The following NPFFR2 variants were observed in gnomAD, a reference collection of about 807,000 sequenced individuals.
NPFFR2 encodes the protein G-protein coupled receptor 74.
Under a neutral mutation model 13.1 loss-of-function variants are expected in NPFFR2, and 15 were observed. The ratio of observed to expected loss-of-function variants is 1.15; its 90% confidence interval spans 0.77 to 1.76. The LOEUF is 1.76. Ranked by LOEUF, NPFFR2 falls within the 40% of genes most tolerant of loss-of-function variation. NPFFR2 has a pLI of 0.00. For synonymous variants in NPFFR2, 190 were observed against 175.7 expected (o/e 1.08, Z -0.65); for missense variants, 572 against 503.5 (o/e 1.14, Z -1.30).
At position 72,147,706 on chromosome 4, in the gene NPFFR2, A is replaced by G. The variant is rs1722832730; in HGVS notation, c.1157A>G (p.Gln386Arg). The change falls in exon 4 of 4, where the codon CAA becomes CGA. Residue 386 changes from glutamine to arginine, a missense_variant. Physicochemically the swap from Gln to Arg is conservative, Grantham distance 43 (BLOSUM62 1). Transcript: ENST00000308744. Reference sequence around the variant, plus strand: ...CAGCTTGTCCAGGAATCTACATTTCAAAACCCTCATGGGGAAACCTTGCTT... The same window carrying G: ...CAGCTTGTCCAGGAATCTACATTTCGAAACCCTCATGGGGAAACCTTGCTT... ...SNQLVQESTF[Q>R]NPHGETLLYR... The G allele has an allele frequency of 1.2e-6, 2 of 1,613,956 alleles. No individual in the cohort carries two copies. Among genetic ancestry groups the G allele is most frequent in the African/African-American group, 1.3e-5 (1 of 75,046 alleles).
At chr4:72,045,661 A>G (rs1185683880) in intron 1 of NPFFR2, among the ~76,000 whole-genome samples, 2 of 152,202 alleles carry the variant, frequency 1.3e-5, no homozygotes, top group African/African-American at 4.8e-5. Flanking sequence ...ACATTAGCCT[A>G]CAGTTGGGCA....
chr4:72,079,812 C>A (rs190126323), intron 1 of NPFFR2, among the ~76,000 whole-genome samples: 1 of 152,272 alleles, frequency 6.6e-6, no homozygotes, highest in Admixed American at 6.5e-5. Context: ...CAGCATATGT[C>A]CCCTGGGCCC....
intron 1 of NPFFR2, among the ~76,000 whole-genome samples, chr4:72,110,014 G>A (rs145959186): frequency 3.3e-5 from 5 of 151,974 alleles, no homozygotes; most frequent in Non-Finnish European, 5.9e-5. Flanking sequence ...TTATTTGATC[G>A]GCTCTATAGT....
chr4:72,088,985 C>G (rs979986037), intron 1 of NPFFR2, among the ~76,000 whole-genome samples: 1 of 152,054 alleles, frequency 6.6e-6, no homozygotes, highest in Non-Finnish European at 1.5e-5. Context: ...AACCCTCTCC[C>G]ACCCTTTCCA....
rs561228248 is a variant in NPFFR2, at chr4:72,047,164, G to A, written c.-8+14964G>A. ...AAGGATTTGGAAAATTCACAGCCTG[G>A]TTATGTAAAGAATTAAAAAAAAAAA... On this transcript the variant is annotated intron_variant, in intron 1 of 3. Coordinates refer to ENST00000308744, the MANE Select transcript of NPFFR2 (RefSeq NM_004885.3). Among the ~76,000 whole-genome samples the A allele has an allele frequency of 1.5e-3, 192 of 126,052 alleles. 1 individual carries two copies. The highest frequency in any genetic ancestry group is 4.9e-3 in the African/African-American group (169 of 34,584). The allele number at this position is 126,052 out of a possible 152,430, so 82.7% of individuals were successfully genotyped here.
chr4:72,106,970 C>T (rs941831944), intron 1 of NPFFR2, among the ~76,000 whole-genome samples: 1 of 151,914 alleles, frequency 6.6e-6, no homozygotes, highest in Non-Finnish European at 1.5e-5. Flanking sequence ...TTGATCAATG[C>T]AGCTGCTATA....
chr4:72,054,932 C>A (rs1390672955), intron 1 of NPFFR2, among the ~76,000 whole-genome samples: 1 of 151,824 alleles, frequency 6.6e-6, no homozygotes, highest in Non-Finnish European at 1.5e-5. Flanking sequence ...GTGATATCAT[C>A]CCCAAGGTAG....
intron 2 of NPFFR2, among the ~76,000 whole-genome samples, chr4:72,131,829 A>C (rs562136712): frequency 7.2e-5 from 11 of 152,240 alleles, no homozygotes; most frequent in Admixed American, 4.6e-4. Context: ...TGATGGAAGG[A>C]TTCTAAAAAC....
chr4:72,064,480 C>G (rs946286422), intron 1 of NPFFR2, among the ~76,000 whole-genome samples: 3 of 152,276 alleles, frequency 2.0e-5, no homozygotes, highest in Non-Finnish European at 2.9e-5. Flanking sequence ...AGATGGATGT[C>G]AATCTTTTGT....
chr4:72,083,742 T>G lies in NPFFR2; in HGVS notation c.-7-44843T>G, dbSNP rs145839615. Reference sequence around the variant, plus strand: ...CATCAATATGCTAATAATTCCCAAATTGATCTCATTATCTTCTATCTCTCC... The same window carrying G: ...CATCAATATGCTAATAATTCCCAAAGTGATCTCATTATCTTCTATCTCTCC... On this transcript the variant is annotated intron_variant, in intron 1 of 3. Transcript: ENST00000308744. Among the ~76,000 whole-genome samples the G allele has an allele frequency of 2.3e-4, 35 of 152,278 alleles. No homozygotes were observed. In the East Asian group the frequency reaches 5.2e-3, roughly 23 times the overall value.
intron 1 of NPFFR2, among the ~76,000 whole-genome samples, chr4:72,081,123 A>G (rs1433143844): frequency 2.0e-5 from 3 of 152,168 alleles, no homozygotes; most frequent in African/African-American, 7.2e-5. Context: ...TCCCTCTGAA[A>G]ATTCACCTCC....
intron 1 of NPFFR2, among the ~76,000 whole-genome samples, chr4:72,037,935 A>C (rs1719086198): frequency 1.3e-5 from 2 of 152,250 alleles, no homozygotes; most frequent in South Asian, 4.1e-4. Context: ...TGATATTTTG[A>C]TTATCTAGGT....
intron 1 of NPFFR2, among the ~76,000 whole-genome samples, chr4:72,050,375 C>T (rs1719507961): frequency 6.6e-6 from 1 of 151,978 alleles, no homozygotes; most frequent in Non-Finnish European, 1.5e-5. Context: ...AACTGAAAAA[C>T]TAGTTCAGTC....
At position 72,064,408 on chromosome 4, in the gene NPFFR2, G is replaced by A. The variant is rs185983982; in HGVS notation, c.-8+32208G>A. ...CACCCTCAGTTCCCTGCCACCCTCC[G>A]TAGGCAGTTCTCAACTTCTCAGCTT... On this transcript the variant is annotated intron_variant, in intron 1 of 3. Transcript: ENST00000308744. Among the ~76,000 whole-genome samples, 65 of 152,304 alleles carry A rather than the reference G, an allele frequency of 4.3e-4. 1 individual carries two copies. In the Middle Eastern group the frequency reaches 0.017, roughly 40 times the overall value.
At chr4:72,083,550 C>G (rs1488259159) in intron 1 of NPFFR2, among the ~76,000 whole-genome samples, 1 of 152,106 alleles carries the variant, frequency 6.6e-6, no homozygotes, top group Non-Finnish European at 1.5e-5. Flanking sequence ...ACCATGTTCT[C>G]CTGGTTTTGT....
intron 1 of NPFFR2, among the ~76,000 whole-genome samples, chr4:72,082,575 T>C (rs938624068): frequency 1.3e-5 from 2 of 152,184 alleles, no homozygotes; most frequent in African/African-American, 4.8e-5. Context: ...ACATTGATGG[T>C]TTGATATATA....
At chr4:72,122,876 A>G (rs1721928645) in intron 1 of NPFFR2, among the ~76,000 whole-genome samples, 1 of 152,230 alleles carries the variant, frequency 6.6e-6, no homozygotes, top group African/African-American at 2.4e-5. Context: ...TTCAAAAGCT[A>G]GCAGAAGACA....
At chr4:72,075,318 G>A (rs1383999146) in intron 1 of NPFFR2, among the ~76,000 whole-genome samples, 1 of 152,128 alleles carries the variant, frequency 6.6e-6, no homozygotes, top group South Asian at 2.1e-4. Flanking sequence ...ACAGCCCATT[G>A]TGGGACCTTG....
intron 1 of NPFFR2, among the ~76,000 whole-genome samples, chr4:72,122,929 A>G (rs187073261): frequency 6.6e-5 from 10 of 152,346 alleles, no homozygotes; most frequent in African/African-American, 2.2e-4. Flanking sequence ...AGATAGAGAC[A>G]TGAAAAACGC....
Sources: gnomAD v4.1 joint callset for allele counts (sites outside exome capture counted in the v4.1 genomes callset) on GRCh38, gnomAD v4.1.1 for gene constraint, MANE v1.5 for transcripts, NCBI Gene and HGNC (gene_info 2026-07-23, HGNC 2026-07-21) for gene names.